GPC5: variants seen among roughly 807,000 people sequenced by gnomAD.
The protein encoded by GPC5 is glypican-5.
Under a neutral mutation model 53.9 loss-of-function variants are expected in GPC5, and 47 were observed. That is an observed-to-expected ratio of 0.87 (90% CI 0.69 to 1.11). The LOEUF (loss-of-function observed/expected upper bound fraction) is 1.11, where lower values mean the gene tolerates loss of function less well. GPC5 is among the 50% of genes most tolerant of loss of function. The pLI is 0.00. For missense variants in GPC5, 748 were observed against 713.1 expected (o/e 1.05, Z -0.56); for synonymous variants, 286 against 263.3 (o/e 1.09, Z -0.84).
At chr13:92,251,288 T>C (rs1320100421) in intron 7 of GPC5, among the ~76,000 whole-genome samples, 1 of 152,072 alleles carries the variant, frequency 6.6e-6, no homozygotes, top group African/African-American at 2.4e-5. Context: ...CATGAAATTA[T>C]TGGGGATGAT....
chr13:91,709,976 T>C (rs949076480), intron 3 of GPC5, among the ~76,000 whole-genome samples: 24 of 152,304 alleles, frequency 1.6e-4, no homozygotes, highest in African/African-American at 5.8e-4. Context: ...TTGTCACATA[T>C]CAATCTCATT....
chr13:92,753,859 A>G (rs1273467677), intron 7 of GPC5, among the ~76,000 whole-genome samples: 9 of 152,166 alleles, frequency 5.9e-5, no homozygotes, highest in Admixed American at 2.0e-4. Context: ...TCTGATTGGT[A>G]TACCTGAAAG....
chr13:92,516,996 C>A (rs1309881613), intron 7 of GPC5, among the ~76,000 whole-genome samples: 1 of 151,914 alleles, frequency 6.6e-6, no homozygotes, highest in Non-Finnish European at 1.5e-5. Flanking sequence ...TGCTCTTTTC[C>A]AATGGTCTTA....
At chr13:91,906,193 G>A (rs2039551454) in intron 5 of GPC5, among the ~76,000 whole-genome samples, 2 of 151,824 alleles carry the variant, frequency 1.3e-5, no homozygotes, top group African/African-American at 4.8e-5. Flanking sequence ...CGTTCTCCCT[G>A]TCTGCTTTGT....
At chr13:92,385,321 C>CATATATACAT (rs1165661048) in intron 7 of GPC5, among the ~76,000 whole-genome samples, 4 of 128,594 alleles carry the variant, frequency 3.1e-5, no homozygotes, top group African/African-American at 1.3e-4. Flanking sequence ...TATATATATA[C>CATATATACAT]ATATATACAT....
intron 6 of GPC5, among the ~76,000 whole-genome samples, chr13:91,919,524 C>A (rs2039690873): frequency 6.6e-6 from 1 of 152,110 alleles, no homozygotes; most frequent in Non-Finnish European, 1.5e-5. Flanking sequence ...GTCTTTTGGG[C>A]TTTTGGTTAA....
intron 7 of GPC5, among the ~76,000 whole-genome samples, chr13:92,629,943 G>A (rs1344190949): frequency 1.3e-5 from 2 of 152,192 alleles, no homozygotes; most frequent in African/African-American, 2.4e-5. Flanking sequence ...GAAAAACAAC[G>A]ATAAAAGAGT....
At chr13:91,432,117 T>C (rs1220918815) in intron 1 of GPC5, among the ~76,000 whole-genome samples, 1 of 152,072 alleles carries the variant, frequency 6.6e-6, no homozygotes, top group Non-Finnish European at 1.5e-5. Flanking sequence ...GAGGTCTCTT[T>C]TAAAACTTAG....
chr13:91,405,555 T>A (rs1877259170), intron 1 of GPC5, among the ~76,000 whole-genome samples: 1 of 152,214 alleles, frequency 6.6e-6, no homozygotes, highest in African/African-American at 2.4e-5. Flanking sequence ...CTTATTATGG[T>A]GGAATCCTTT....
rs1409560722 is a variant in GPC5, at chr13:91,908,048, T to C, written c.1392T>C (p.His464=). 1.9e-6 allele frequency: 3 copies of C among 1,581,206 alleles called. No homozygotes were observed. The highest frequency in any genetic ancestry group is 1.7e-6 in the Non-Finnish European group (2 of 1,171,088). The change falls in exon 6 of 8, where the codon CAT becomes CAC. Residue 464 remains histidine, a synonymous_variant. Coordinates refer to ENST00000377067, the MANE Select transcript of GPC5 (RefSeq NM_004466.6). ...ATCAGATTATTGATAAACTGAAGCA[T>C]GTTGTTCAGGTAAGTCCTGATCCTA... ...VINQIIDKLK[H]VVQLLQGRSP... is the part of the protein sequence containing the mutation.
rs187874584 is a variant in GPC5 at position 92,240,996 on chromosome 13, C to G, written c.1561+96007C>G. On this transcript the variant is annotated intron_variant, in intron 7 of 7. Transcript: ENST00000377067. ...TTCTCTTATTTATATGAAATACATT[C>G]TTAATGCATAAAACTCAGTTACTAC... 2.2e-3 allele frequency: 342 copies of G among 152,250 alleles called. 1 individual carries two copies. Among genetic ancestry groups the G allele is most frequent in the African/African-American group, 7.8e-3 (326 of 41,554 alleles). The allele number at this position is 152,250 out of a possible 1,614,324, so 9.4% of individuals were successfully genotyped here.
At chr13:91,415,246 T>G (rs186537332) in intron 1 of GPC5, among the ~76,000 whole-genome samples, 2 of 152,266 alleles carry the variant, frequency 1.3e-5, no homozygotes, top group Admixed American at 1.3e-4. Context: ...TGCTTAGGCT[T>G]GCTGTAAAAG....
chr13:91,947,961 C>T (rs2039989007), intron 6 of GPC5, among the ~76,000 whole-genome samples: 1 of 152,012 alleles, frequency 6.6e-6, no homozygotes, highest in Non-Finnish European at 1.5e-5. Context: ...ACCATCCTGA[C>T]CTTGCTCAAG....
chr13:91,932,694 C>A (rs2039833040), intron 6 of GPC5, among the ~76,000 whole-genome samples: 1 of 151,886 alleles, frequency 6.6e-6, no homozygotes, highest in African/African-American at 2.4e-5. Context: ...CCAATGCATG[C>A]CTTTTTCTCA....
intron 6 of GPC5, among the ~76,000 whole-genome samples, chr13:92,026,474 C>T (rs1400885573): frequency 6.7e-6 from 1 of 148,566 alleles, no homozygotes; most frequent in Non-Finnish European, 1.5e-5. Flanking sequence ...TTGTACTGAG[C>T]TAAGCAGCAG....
intron 7 of GPC5, among the ~76,000 whole-genome samples, chr13:92,331,683 T>A (rs1361542641): frequency 2.2e-5 from 1 of 44,812 alleles, no homozygotes; most frequent in East Asian, 6.0e-4. Flanking sequence ...ATACATAGGG[T>A]TTTTTTTTTT....
chr13:92,076,960 A>G (rs1594754394), intron 6 of GPC5, among the ~76,000 whole-genome samples: 1 of 152,178 alleles, frequency 6.6e-6, no homozygotes, highest in African/African-American at 2.4e-5. Flanking sequence ...CTTCAGAAGA[A>G]CCTTGGTATC....
rs185076232 is a variant in GPC5 at position 91,729,137 on chromosome 13, A to C, written c.1154+472A>C. Among the ~76,000 whole-genome samples, 507 of 152,322 alleles carry C rather than the reference A, an allele frequency of 3.3e-3. 2 individuals carry two copies. Among genetic ancestry groups the C allele is most frequent in the African/African-American group, 0.012 (492 of 41,574 alleles). On this transcript the variant is annotated intron_variant, in intron 4 of 7. Coordinates refer to ENST00000377067, the MANE Select transcript of GPC5 (RefSeq NM_004466.6). ...TACTGAATGTTTAACATATATTTTA[A>C]AAAGTTGAATAAGAAGAAGTTTTCA...
At chr13:92,482,329 TCTC>T (rs1842640202) in intron 7 of GPC5, among the ~76,000 whole-genome samples, 1 of 152,194 alleles carries the variant, frequency 6.6e-6, no homozygotes, top group Admixed American at 6.5e-5. Flanking sequence ...ACCAGTTAAT[TCTC>T]CTCCTAAAAG....
Sources: gnomAD v4.1 joint callset for allele counts (sites outside exome capture counted in the v4.1 genomes callset) on GRCh38, gnomAD v4.1.1 for gene constraint, MANE v1.5 for transcripts, NCBI Gene and HGNC (gene_info 2026-07-23, HGNC 2026-07-21) for gene names.